Variants in ZNF804B observed in about 807,000 individuals in gnomAD.
ZNF804B encodes the protein zinc finger protein 804B.
In ZNF804B, 80 loss-of-function variants were observed where a neutral mutation model predicts 101.4. The ratio of observed to expected loss-of-function variants is 0.79; its 90% CI spans 0.66 to 0.95. The LOEUF is 0.95. ZNF804B is among the 40% of genes least tolerant of loss of function. The pLI is 0.00. For synonymous variants in ZNF804B, 622 were observed against 558.8 expected (o/e 1.11, Z -1.59); for missense variants, 1,673 against 1,561.9 (o/e 1.07, Z -1.20).
intron 1 of ZNF804B, among the ~76,000 whole-genome samples, chr7:89,213,201 C>G (rs1179597122): frequency 6.6e-6 from 1 of 152,080 alleles, no homozygotes; most frequent in Non-Finnish European, 1.5e-5. Flanking sequence ...TACAGAGATG[C>G]AGAAAGATGA....
chr7:89,016,451 TAG>T (rs1331956829), intron 1 of ZNF804B, among the ~76,000 whole-genome samples: 12 of 151,762 alleles, frequency 7.9e-5, no homozygotes, highest in Non-Finnish European at 1.8e-4. Context: ...GGTTTTCTTC[TAG>T]GGTTTTTATG....
At chr7:88,794,785 A>T (rs1790450532) in intron 1 of ZNF804B, 19 of 1,613,636 alleles carry the variant, frequency 1.2e-5, no homozygotes, top group Middle Eastern at 1.6e-4. Flanking sequence ...TATCTTGGCC[A>T]CTAGAAACAT....
chr7:89,280,491 A>C (rs929970354), intron 2 of ZNF804B, among the ~76,000 whole-genome samples: 1 of 152,176 alleles, frequency 6.6e-6, no homozygotes, highest in African/African-American at 2.4e-5. Flanking sequence ...GAAAGGATCA[A>C]CAAAATTGAT....
chr7:89,292,446 T>G (rs1181450561), intron 2 of ZNF804B, among the ~76,000 whole-genome samples: 1 of 152,126 alleles, frequency 6.6e-6, no homozygotes, highest in East Asian at 1.9e-4. Context: ...TCTTTTTGCT[T>G]GTTCATTTGT....
chr7:89,247,690 C>T (rs62470324), intron 2 of ZNF804B, among the ~76,000 whole-genome samples: 11,700 of 152,104 alleles, frequency 0.077, 542 homozygotes, highest in Middle Eastern at 0.19. Flanking sequence ...AATTAAGGCA[C>T]CATGAAATAT....
intron 1 of ZNF804B, among the ~76,000 whole-genome samples, chr7:89,164,807 C>A (rs556666509): frequency 1.3e-5 from 2 of 152,156 alleles, no homozygotes; most frequent in East Asian, 3.9e-4. Context: ...AAAATAATAT[C>A]TGTAAACTTT....
chr7:89,093,703 T>C (rs1789928921), intron 1 of ZNF804B, among the ~76,000 whole-genome samples: 1 of 152,240 alleles, frequency 6.6e-6, no homozygotes. Context: ...CAGACTTCTA[T>C]GCATTGAAGT....
rs1293204880 is a variant in ZNF804B at position 89,066,421 on chromosome 7, G to A, written c.109-151734G>A. ...AACTCTTAAGTATATAGGGAGTGGA[G>A]GGGAATCAGTGTTCAAAATACCTGG... is the stretch of plus-strand genomic sequence containing the variant. On this transcript the variant is annotated intron_variant, in intron 1 of 3. Coordinates refer to ENST00000333190, the MANE Select transcript of ZNF804B (RefSeq NM_181646.5). 3.9e-5 allele frequency among the ~76,000 whole-genome samples: 6 copies of A among 152,050 alleles called. No individual in the cohort carries two copies. The East Asian group carries it at 1.2e-3, about 29-fold the overall frequency.
chr7:89,075,299 G>A (rs1789599609), intron 1 of ZNF804B, among the ~76,000 whole-genome samples: 1 of 152,094 alleles, frequency 6.6e-6, no homozygotes, highest in Non-Finnish European at 1.5e-5. Context: ...GGCCTAGGAG[G>A]AAAAAATGGT....
chr7:88,892,040 C>T (rs191093227), intron 1 of ZNF804B, among the ~76,000 whole-genome samples: 2 of 152,040 alleles, frequency 1.3e-5, no homozygotes, highest in Admixed American at 1.3e-4. Context: ...ATATTTTTAC[C>T]ATCTTTCTTC....
At chr7:88,845,082 C>A (rs1013992698) in intron 1 of ZNF804B, among the ~76,000 whole-genome samples, 26 of 152,232 alleles carry the variant, frequency 1.7e-4, no homozygotes, top group African/African-American at 6.3e-4. Context: ...GGAAAACTTA[C>A]AAAGGGAGAC....
rs1173685530 is a variant in ZNF804B, at chr7:89,333,371, G to T, written c.389G>T (p.Gly130Val). Residue 130 changes from glycine (G) to valine (V), a missense_variant, in exon 4 of 4, where the codon GGA becomes GTA. Physicochemically the swap from Gly to Val is moderately radical, Grantham distance 109. Coordinates refer to ENST00000333190, the MANE Select transcript of ZNF804B (RefSeq NM_181646.5). ...ATTTATTGTATTTACAGTGTTTCTGGAAATGGACCAGCATACAAAGCCCCC... is the reference window on the plus strand; with the variant it reads ...ATTTATTGTATTTACAGTGTTTCTGTAAATGGACCAGCATACAAAGCCCCC... Reference protein sequence around the residue: ...ELRQQSECVSGNGPAYKAPRV... With the variant: ...ELRQQSECVSVNGPAYKAPRV... 1 of 1,588,446 alleles carries T rather than the reference G, an allele frequency of 6.3e-7. No homozygotes were observed. The highest frequency in any genetic ancestry group is 1.9e-5 in the Admixed American group (1 of 53,434).
At chr7:88,877,275 T>C (rs1255688320) in intron 1 of ZNF804B, among the ~76,000 whole-genome samples, 1 of 150,606 alleles carries the variant, frequency 6.6e-6, no homozygotes, top group South Asian at 2.1e-4. Context: ...TACTGACTGA[T>C]AAGTAGAAAG....
intron 1 of ZNF804B, among the ~76,000 whole-genome samples, chr7:89,165,386 T>C (rs1791126774): frequency 6.6e-6 from 1 of 151,948 alleles, no homozygotes; most frequent in Non-Finnish European, 1.5e-5. Context: ...GCAGGTTAAA[T>C]TGAATTGATG....
intron 2 of ZNF804B, among the ~76,000 whole-genome samples, chr7:89,228,499 A>C (rs886469750): frequency 6.6e-6 from 1 of 151,680 alleles, no homozygotes; most frequent in Non-Finnish European, 1.5e-5. Context: ...TGTCCACACA[A>C]AGGTTCTCCA....
chr7:89,030,617 T>C (rs1252120861), intron 1 of ZNF804B, among the ~76,000 whole-genome samples: 1 of 152,168 alleles, frequency 6.6e-6, no homozygotes, highest in Non-Finnish European at 1.5e-5. Flanking sequence ...CTTTTTTTGG[T>C]CCAGCCTCAT....
chr7:89,044,694 G>A (rs1789074781), intron 1 of ZNF804B, among the ~76,000 whole-genome samples: 2 of 152,126 alleles, frequency 1.3e-5, no homozygotes, highest in African/African-American at 4.8e-5. Context: ...GTGACATTTT[G>A]CCCCTTCCCT....
intron 2 of ZNF804B, among the ~76,000 whole-genome samples, chr7:89,267,020 G>A (rs973741605): frequency 3.3e-5 from 5 of 152,052 alleles, no homozygotes; most frequent in Non-Finnish European, 5.9e-5. Context: ...TTAGAAAAAG[G>A]ACTTCCCTGA....
intron 3 of ZNF804B, among the ~76,000 whole-genome samples, chr7:89,328,524 A>G (rs985281367): frequency 6.6e-6 from 1 of 151,906 alleles, no homozygotes; most frequent in Non-Finnish European, 1.5e-5. Flanking sequence ...CTCTAGAAGC[A>G]ACGCATACAT....
Sources: allele counts gnomAD v4.1 joint callset (sites outside exome capture counted in the v4.1 genomes callset), GRCh38; gene constraint gnomAD v4.1.1; transcripts MANE v1.5; gene names NCBI Gene and HGNC (gene_info 2026-07-23, HGNC 2026-07-21).